The following SPAG8 variants were observed in gnomAD, a reference collection of about 807,000 sequenced individuals.
The protein encoded by SPAG8 is sperm-associated antigen 8.
A neutral mutation model predicts 45.3 loss-of-function variants in SPAG8; 36 were observed. That is an observed-to-expected ratio of 0.80 (90% confidence interval 0.61 to 1.05). SPAG8 has a LOEUF of 1.05. Ranked by LOEUF, SPAG8 falls within the 50% of genes least tolerant of loss-of-function variation. The pLI is 0.00. For synonymous variants in SPAG8, 227 were observed against 232.6 expected, an observed-to-expected ratio of 0.98 and a Z score of 0.22; for missense variants, 573 against 609.2, an observed-to-expected ratio of 0.94 and a Z score of 0.63.
chr9:35,809,840 A>G lies in SPAG8; in HGVS notation c.*98T>C. The G allele has an allele frequency of 6.5e-7, 1 of 1,534,568 alleles. No homozygotes were observed. Among genetic ancestry groups the G allele is most frequent in the Admixed American group, 2.1e-5 (1 of 47,866 alleles). On this transcript the variant is annotated 3_prime_UTR_variant, in exon 7 of 7. Transcript: ENST00000396638. The surrounding 1 kb of genome is among the most constrained non-coding windows in gnomAD (Gnocchi z 4.1). The stretch of plus-strand genomic sequence containing the variant: ...GGATGAGAGAGAACCCTTTATGTAA[A>G]GCCTCTTCAAGTACAGTGAGAATTA...
downstream of SPAG8, chr9:35,808,713 C>T (rs1320990730): frequency 4.3e-6 from 7 of 1,612,512 alleles, no homozygotes; most frequent in African/African-American, 4.0e-5. This position sits in a 1 kb window ranked among gnomAD's most constrained non-coding sequence, Gnocchi z 4.0. Context: ...CAGCCCTAGT[C>T]TCCACCTTTC....
downstream of SPAG8, chr9:35,809,288 G>T: frequency 1.2e-6 from 2 of 1,610,462 alleles, no homozygotes; most frequent in Non-Finnish European, 1.7e-6. The surrounding 1 kb of genome is among the most constrained non-coding windows in gnomAD (Gnocchi z 4.1). Context: ...GAAAGGGAGG[G>T]TGAAAGTGAT....
At chr9:35,808,729 C>T (rs374360673), downstream of SPAG8, 2 of 1,611,736 alleles carry the variant, frequency 1.2e-6, no homozygotes, top group African/African-American at 1.3e-5. This position sits in a 1 kb window ranked among gnomAD's most constrained non-coding sequence, Gnocchi z 4.0. Context: ...CTTTCCCAGA[C>T]TCTCCCAACC....
chr9:35,811,637 G>A lies in SPAG8; in HGVS notation c.409C>T (p.Pro137Ser). The A allele has an allele frequency of 1.2e-6, 2 of 1,614,076 alleles. No individual in the cohort carries two copies. The highest frequency in any genetic ancestry group is 1.7e-6 in the Non-Finnish European group (2 of 1,180,006). The change falls in exon 2 of 7, where the codon CCT becomes TCT. Residue 137 changes from proline to serine, a missense_variant. Physicochemically the swap from Pro to Ser is moderately conservative, Grantham distance 74. Transcript: ENST00000396638. ...GGCCCAGAGCTAGAGCCTGGAACAG[G>A]GCCAGGATTAGAACTATGGTCAGTT... ...TTTDHSSNPG[P>S]VPGSSSGPVL...
rs368119421 is a variant in SPAG8, at chr9:35,812,013, C to T, written c.45-12G>A. 9 of 1,604,248 alleles carry T rather than the reference C, an allele frequency of 5.6e-6. No individual in the cohort carries two copies. The East Asian group carries it at 1.6e-4, about 28-fold the overall frequency. On this transcript the variant is annotated splice_polypyrimidine_tract_variant and intron_variant, in intron 1 of 6. Transcript: ENST00000396638. ...GTATGTCTAAAGATCTGAAAGAAAGCAAACACGACATGGCTGTCAAAAGCG... is the reference window on the plus strand; with the variant it reads ...GTATGTCTAAAGATCTGAAAGAAAGTAAACACGACATGGCTGTCAAAAGCG...
downstream of SPAG8, chr9:35,809,516 C>T (rs763264983): frequency 6.2e-7 from 1 of 1,611,432 alleles, no homozygotes; most frequent in South Asian, 1.1e-5. This position sits in a 1 kb window ranked among gnomAD's most constrained non-coding sequence, Gnocchi z 4.1. Flanking sequence ...ACCATGTCTG[C>T]ACACACCAGA....
downstream of SPAG8, chr9:35,809,286 G>A (rs202137382): frequency 2.5e-6 from 4 of 1,610,566 alleles, no homozygotes; most frequent in Admixed American, 5.0e-5. The surrounding 1 kb of genome is among the most constrained non-coding windows in gnomAD (Gnocchi z 4.1). Context: ...TGGAAAGGGA[G>A]GGTGAAAGTG....
At position 35,812,206 on chromosome 9, in the gene SPAG8, C is replaced by A. The variant is rs891230782; in HGVS notation, c.-59G>T. 2 of 1,581,184 alleles carry A rather than the reference C, an allele frequency of 1.3e-6. No individual in the cohort carries two copies. The highest frequency in any genetic ancestry group is 3.5e-5 in the Admixed American group (2 of 57,354). On this transcript the variant is annotated 5_prime_UTR_variant, in exon 1 of 7. Coordinates refer to ENST00000396638, the MANE Select transcript of SPAG8 (RefSeq NM_001039592.2). Reference sequence around the variant, plus strand: ...CAGCAAACAACTCCTGGAGCCTGCGCAGAAGTACAGCTGGGCGGACTTGCA... The same window carrying A: ...CAGCAAACAACTCCTGGAGCCTGCGAAGAAGTACAGCTGGGCGGACTTGCA...
Position 35,811,565 on chromosome 9 carries a change from A to C in SPAG8, c.481T>G (p.Ser161Ala). 6.2e-7 allele frequency: 1 copy of C among 1,612,388 alleles called. No homozygotes were observed. The highest frequency in any genetic ancestry group is 8.5e-7 in the Non-Finnish European group (1 of 1,179,068). The stretch of plus-strand genomic sequence containing the variant: ...GGGACAGAGCCACAGCCAGGACCAG[A>C]GCCAGAGCCAGAGCCATGGCCAGCA... The part of the protein sequence containing the change: ...SGAGHGSGSG[S>A]GPGCGSVPGS... The change falls in exon 2 of 7, where the codon TCT (serine) becomes GCT (alanine). Residue 161 changes from serine to alanine, a missense_variant. By Grantham distance (99) the Ser-to-Ala change is moderately conservative. Coordinates refer to ENST00000396638, the MANE Select transcript of SPAG8 (RefSeq NM_001039592.2).
chr9:35,811,124 T>A, intron 2 of SPAG8, 58 bp downstream of exon 2: 1 of 1,565,086 alleles, frequency 6.4e-7, no homozygotes, highest in Non-Finnish European at 8.6e-7. Flanking sequence ...AACTACTGCC[T>A]CCCCTAAGAA....
rs762563055 is a variant in SPAG8, at chr9:35,811,735, TG to T, written c.310del (p.His104ThrfsTer3). On this transcript the variant is annotated frameshift_variant, in exon 2 of 7. Transcript: ENST00000396638. LOFTEE classifies it high-confidence loss of function. ...GCCAAGACTCCCATGGGCTATATTGTGGGTAAAGCCGGGTCCCGCACAGGGC... is the reference window on the plus strand; with the variant it reads ...GCCAAGACTCCCATGGGCTATATTGTGGTAAAGCCGGGTCCCGCACAGGGC... ...GEPCAGPGFT[H>X]NIAHGSLGFE... The T allele has an allele frequency of 6.2e-7, 1 of 1,614,140 alleles. No homozygotes were observed. Among genetic ancestry groups the T allele is most frequent in the Admixed American group, 1.7e-5 (1 of 60,032 alleles).
chr9:35,812,184 C>A lies in SPAG8; in HGVS notation c.-37G>T. ...AGCTACTGGGTTGCCATAGAGACAGCAAACAACTCCTGGAGCCTGCGCAGA... is the reference window on the plus strand; with the variant it reads ...AGCTACTGGGTTGCCATAGAGACAGAAAACAACTCCTGGAGCCTGCGCAGA... On this transcript the variant is annotated 5_prime_UTR_variant, in exon 1 of 7. Transcript: ENST00000396638. The A allele has an allele frequency of 6.3e-7, 1 of 1,598,944 alleles. No homozygotes were observed.
chr9:35,808,480 G>A, downstream of SPAG8: 1 of 1,611,766 alleles, frequency 6.2e-7, no homozygotes, highest in Non-Finnish European at 8.5e-7. This position sits in a 1 kb window ranked among gnomAD's most constrained non-coding sequence, Gnocchi z 4.0. Flanking sequence ...TATAAATAGA[G>A]GTGACCTTTT....
chr9:35,812,136 G>C lies in SPAG8; in HGVS notation c.12C>G (p.Asn4Lys), dbSNP rs566236794. Residue 4 changes from asparagine (N) to lysine (K), a missense_variant, in exon 1 of 7, where the codon AAC becomes AAG. By Grantham distance (94) the Asn-to-Lys change is moderately conservative (BLOSUM62 0). Coordinates refer to ENST00000396638, the MANE Select transcript of SPAG8 (RefSeq NM_001039592.2). ...GCGACCGCGATCCCTCCGTAGACTC[G>C]TTGGTCTCCATCTTCAGACTCCAGC... MET[N>K]ESTEGSRSRS... 6.2e-7 allele frequency: 1 copy of C among 1,607,104 alleles called. No homozygotes were observed. Among genetic ancestry groups the C allele is most frequent in the Non-Finnish European group, 8.5e-7 (1 of 1,179,988 alleles).
chr9:35,809,420 G>C, downstream of SPAG8: 1 of 1,614,150 alleles, frequency 6.2e-7, no homozygotes, highest in Non-Finnish European at 8.5e-7. The surrounding 1 kb of genome is among the most constrained non-coding windows in gnomAD (Gnocchi z 4.1). Flanking sequence ...TTAGGAGAGC[G>C]GAAAGGACCT....
At chr9:35,808,325 C>T, downstream of SPAG8, 1 of 1,570,386 alleles carries the variant, frequency 6.4e-7, no homozygotes, top group South Asian at 1.1e-5. The surrounding 1 kb of genome is among the most constrained non-coding windows in gnomAD (Gnocchi z 4.0). Context: ...AGAAAGAAGA[C>T]TTAAAGATTC....
chr9:35,810,169 C>A (rs1468388516), intron 6 of SPAG8, 37 bp from the exon 7 acceptor site: 1 of 1,608,408 alleles, frequency 6.2e-7, no homozygotes, highest in Non-Finnish European at 8.5e-7. Flanking sequence ...ATCCCACTCT[C>A]CCCAAGCCAG....
chr9:35,810,453 G>T lies in SPAG8; in HGVS notation c.1186C>A (p.Pro396Thr), dbSNP rs1189322428. 6.2e-7 allele frequency: 1 copy of T among 1,613,830 alleles called. No homozygotes were observed. The highest frequency in any genetic ancestry group is 1.7e-5 in the Admixed American group (1 of 60,016). ...YRMELAQAGT[P>T]APTKPHDYRQ... is the part of the protein sequence containing the mutation. ...TGGGTTCTCACCTTTGTTGGGGCAG[G>T]AGTCCCTGCTTGTGCCAGCTCCATT... The change falls in exon 5 of 7, where the codon CCT (proline) becomes ACT (threonine). Residue 396 changes from proline (P) to threonine (T), a missense_variant. By Grantham distance (38) the Pro-to-Thr change is conservative. Transcript: ENST00000396638.
downstream of SPAG8, chr9:35,808,432 C>T: frequency 6.6e-7 from 1 of 1,507,944 alleles, no homozygotes; most frequent in Non-Finnish European, 9.2e-7. The surrounding 1 kb of genome is among the most constrained non-coding windows in gnomAD (Gnocchi z 4.0). Flanking sequence ...ATGATGGTGT[C>T]AAGCTTGTCT....
Sources: allele counts gnomAD v4.1 joint callset, GRCh38; gene constraint gnomAD v4.1.1; non-coding constraint Gnocchi (gnomAD v3.1); transcripts MANE v1.5; gene names NCBI Gene and HGNC (gene_info 2026-07-23, HGNC 2026-07-21).